GPHN: variants seen among roughly 807,000 people sequenced by gnomAD.
GPHN encodes the protein gephyrin.
A neutral mutation model predicts 95.5 loss-of-function variants in GPHN; 17 were observed. The observed-to-expected ratio is 0.18, with a 90% CI of 0.12 to 0.27. The LOEUF (loss-of-function observed/expected upper bound fraction) is 0.27. Ranked by LOEUF, GPHN falls within the 10% of genes least tolerant of loss-of-function variation. The pLI, the probability that GPHN is intolerant of heterozygous loss-of-function variation, is 1.00. For missense variants in GPHN, 660 were observed against 978.1 expected, an observed-to-expected ratio of 0.67 and a Z score of 4.34; for synonymous variants, 320 against 322.5, an observed-to-expected ratio of 0.99 and a Z score of 0.08.
At chr14:66,516,222 T>G (rs1334474655) in intron 1 of GPHN, among the ~76,000 whole-genome samples, 1 of 151,676 alleles carries the variant, frequency 6.6e-6, no homozygotes, top group Middle Eastern at 3.2e-3. Context: ...TTTACCATGT[T>G]GGCCAGGCTG....
intron 8 of GPHN, among the ~76,000 whole-genome samples, chr14:66,953,681 T>C (rs2068278468): frequency 6.6e-6 from 1 of 152,190 alleles, no homozygotes; most frequent in Non-Finnish European, 1.5e-5. Context: ...CATTAACCTA[T>C]GTTTGCCTTA....
At chr14:67,576,344 C>A in the GPHN span, 1 of 1,051,984 alleles carries the variant, frequency 9.5e-7, no homozygotes, top group Non-Finnish European at 1.4e-6. This position sits in a 1 kb window ranked among gnomAD's most constrained non-coding sequence, Gnocchi z 4.0. Flanking sequence ...GAGCTCTTGC[C>A]TCCACTCTTC....
the GPHN span, among the ~76,000 whole-genome samples, chr14:67,211,673 A>C: frequency 1.3e-3 from 199 of 152,196 alleles, no homozygotes; most frequent in Non-Finnish European, 2.1e-3. Flanking sequence ...ACACGCCTGT[A>C]ATCCCATCAA....
intron 3 of GPHN, among the ~76,000 whole-genome samples, chr14:66,790,368 A>G (rs1333087433): frequency 3.3e-5 from 5 of 152,238 alleles, no homozygotes; most frequent in South Asian, 4.1e-4. Flanking sequence ...ACCTGAATCC[A>G]GGGCCACTAT....
chr14:66,912,168 A>G (rs2065704215), intron 5 of GPHN, among the ~76,000 whole-genome samples: 2 of 152,140 alleles, frequency 1.3e-5, no homozygotes, highest in South Asian at 2.1e-4. Flanking sequence ...TGCTTTTTGC[A>G]TCAGCTTCCA....
chr14:67,595,543 CCTT>C, the GPHN span, among the ~76,000 whole-genome samples: 1 of 152,336 alleles, frequency 6.6e-6, no homozygotes, highest in African/African-American at 2.4e-5. Context: ...GGTTCCCACT[CCTT>C]CTGCCAATGA....
intron 6 of GPHN, among the ~76,000 whole-genome samples, chr14:66,922,234 C>G (rs956574146): frequency 6.7e-6 from 1 of 150,262 alleles, no homozygotes; most frequent in African/African-American, 2.4e-5. Flanking sequence ...AACTAAGGAG[C>G]TTTTGCATAG....
chr14:67,289,519 T>C, the GPHN span, among the ~76,000 whole-genome samples: 51,049 of 151,914 alleles, frequency 0.34, 13,853 homozygotes, highest in African/African-American at 0.73. Flanking sequence ...TACCGAGGGA[T>C]AACTATATAT....
At chr14:67,066,600 C>T (rs909537925) in intron 11 of GPHN, among the ~76,000 whole-genome samples, 7 of 152,168 alleles carry the variant, frequency 4.6e-5, no homozygotes, top group Non-Finnish European at 5.9e-5. Flanking sequence ...CACATAGTCC[C>T]ATATTTCTTG....
intron 17 of GPHN, among the ~76,000 whole-genome samples, chr14:67,128,793 G>A (rs2153696026): frequency 6.6e-6 from 1 of 151,894 alleles, no homozygotes; most frequent in South Asian, 2.1e-4. Flanking sequence ...AAATTAGCCG[G>A]GCGTGGCGGT....
intron 12 of GPHN, among the ~76,000 whole-genome samples, chr14:67,096,144 T>C (rs965902605): frequency 6.6e-6 from 1 of 152,136 alleles, no homozygotes; most frequent in Non-Finnish European, 1.5e-5. Context: ...ATGTAGTTGT[T>C]TGACTGATTC....
intron 9 of GPHN, among the ~76,000 whole-genome samples, chr14:66,999,468 A>C (rs2072068576): frequency 6.6e-6 from 1 of 151,820 alleles, no homozygotes; most frequent in African/African-American, 2.4e-5. Flanking sequence ...TTGTTATGTA[A>C]TTTATTGTTA....
At chr14:66,647,839 A>G (rs1474160165) in intron 1 of GPHN, among the ~76,000 whole-genome samples, 1 of 152,208 alleles carries the variant, frequency 6.6e-6, no homozygotes, top group Non-Finnish European at 1.5e-5. Context: ...TAAATGGAAA[A>G]TGTTTTAAAA....
At chr14:67,146,026 A>G (rs906011934) in intron 18 of GPHN, among the ~76,000 whole-genome samples, 1 of 152,214 alleles carries the variant, frequency 6.6e-6, no homozygotes, top group Non-Finnish European at 1.5e-5. Context: ...CACTGGATAC[A>G]TCTAGAGTAT....
rs1426288403 is a variant in GPHN, at chr14:67,143,354, T to C, written c.1749-8T>C. 1 of 1,588,172 alleles carries C rather than the reference T, an allele frequency of 6.3e-7. No individual in the cohort carries two copies. The highest frequency in any genetic ancestry group is 1.7e-5 in the Admixed American group (1 of 59,984). On this transcript the variant is annotated splice_region_variant and splice_polypyrimidine_tract_variant and intron_variant, in intron 17 of 22. Coordinates refer to ENST00000478722, the MANE Select transcript of GPHN (RefSeq NM_020806.5). Reference sequence around the variant, plus strand: ...TGTGTTAATTTCTTTGTCTTTATTTTTTTCCAGCCCAGATGACTTACTCAA... The same window carrying C: ...TGTGTTAATTTCTTTGTCTTTATTTCTTTCCAGCCCAGATGACTTACTCAA...
intron 1 of GPHN, among the ~76,000 whole-genome samples, chr14:66,600,108 CATTT>C (rs533727277): frequency 5.9e-5 from 9 of 151,850 alleles, no homozygotes; most frequent in Non-Finnish European, 1.3e-4. Context: ...CATATTATCT[CATTT>C]AAAGTTTTTG....
intron 17 of GPHN, among the ~76,000 whole-genome samples, chr14:67,126,890 T>G (rs376208806): frequency 6.6e-6 from 1 of 151,602 alleles, no homozygotes; most frequent in Non-Finnish European, 1.5e-5. Flanking sequence ...ATGTGGCACA[T>G]ATACACCATG....
At chr14:66,895,841 G>C (rs1161074968) in intron 5 of GPHN, among the ~76,000 whole-genome samples, 1 of 152,100 alleles carries the variant, frequency 6.6e-6, no homozygotes, top group African/African-American at 2.4e-5. Context: ...CAAAGATATT[G>C]GTAAATATCT....
At chr14:67,297,230 T>C in the GPHN span, among the ~76,000 whole-genome samples, 3 of 152,160 alleles carry the variant, frequency 2.0e-5, no homozygotes, top group Admixed American at 2.0e-4. Flanking sequence ...GTATTCAACA[T>C]TTTTTGGCAG....
Sources: allele counts gnomAD v4.1 joint callset (sites outside exome capture counted in the v4.1 genomes callset), GRCh38; gene constraint gnomAD v4.1.1; non-coding constraint Gnocchi (gnomAD v3.1); transcripts MANE v1.5; gene names NCBI Gene and HGNC (gene_info 2026-07-23, HGNC 2026-07-21).